DNM3: variants seen among roughly 807,000 people sequenced by gnomAD.
The protein encoded by DNM3 is dynamin 3.
Under a neutral mutation model 101.6 loss-of-function variants are expected in DNM3, and 47 were observed. The ratio of observed to expected loss-of-function variants is 0.46; its 90% confidence interval spans 0.37 to 0.59. The LOEUF is 0.59. Ranked by LOEUF, DNM3 falls within the 20% of genes least tolerant of loss-of-function variation. The pLI is 0.00. For missense variants in DNM3, 849 were observed against 1,085.7 expected (o/e 0.78, Z 3.06); for synonymous variants, 385 against 387.9 (o/e 0.99, Z 0.09).
rs1475143531 is a variant in DNM3, at chr1:172,411,337, T to C, written c.*3496T>C. On this transcript the variant is annotated 3_prime_UTR_variant, in exon 21 of 21. Coordinates refer to ENST00000627582, the MANE Select transcript of DNM3 (RefSeq NM_015569.5). ...TACCATGACAACATGGTAATGTCCA[T>C]AGACATTTGTATCTGAATCCACAAG... 1.0e-6 allele frequency: 1 copy of C among 985,064 alleles called. No individual in the cohort carries two copies. The highest frequency in any genetic ancestry group is 1.2e-6 in the Non-Finnish European group (1 of 829,640). The allele number at this position is 985,064 out of a possible 1,614,324, so 61.0% of individuals were successfully genotyped here. A position where few individuals can be genotyped will look rare whatever the true frequency, so the allele number is the denominator to read the frequency against.
At position 172,290,778 on chromosome 1, in the gene DNM3, AT is replaced by A. The variant is rs374125678; in HGVS notation, c.1770-17949del. Reference sequence around the variant, plus strand: ...CCTTTAAATGATATGAAAGGCCACCATACTGGGAAGATTACCACTGGAGAAA... The same window carrying A: ...CCTTTAAATGATATGAAAGGCCACCAACTGGGAAGATTACCACTGGAGAAA... On this transcript the variant is annotated intron_variant, in intron 15 of 20. Coordinates refer to ENST00000627582, the MANE Select transcript of DNM3 (RefSeq NM_015569.5). Among the ~76,000 whole-genome samples the A allele has an allele frequency of 2.8e-3, 420 of 152,300 alleles. 1 individual carries two copies. The highest frequency in any genetic ancestry group is 9.5e-3 in the African/African-American group (394 of 41,570).
At position 172,216,893 on chromosome 1, in the gene DNM3, A is replaced by G. The variant is rs1396613737; in HGVS notation, c.1660-36680A>G. On this transcript the variant is annotated intron_variant, in intron 14 of 20. Transcript: ENST00000627582. The stretch of plus-strand genomic sequence containing the variant: ...TCCCACCTAGAGATTTTCCCTCTGT[A>G]ATTGGATATGTATCTAGATATTTAC... Among the ~76,000 whole-genome samples, 4 of 152,216 alleles carry G rather than the reference A, an allele frequency of 2.6e-5. No individual in the cohort carries two copies. In the East Asian group the frequency reaches 7.7e-4, roughly 29 times the overall value.
intron 2 of DNM3, among the ~76,000 whole-genome samples, chr1:171,941,661 A>T (rs922634001): frequency 1.3e-5 from 2 of 152,358 alleles, no homozygotes; most frequent in African/African-American, 4.8e-5. Context: ...TCAAGGGCAG[A>T]GACCAGTGTG....
At chr1:172,071,615 C>G (rs1159056375) in intron 11 of DNM3, among the ~76,000 whole-genome samples, 1 of 151,380 alleles carries the variant, frequency 6.6e-6, no homozygotes, top group South Asian at 2.1e-4. Flanking sequence ...AACTTCTGCT[C>G]TGGAAGCTTT....
chr1:172,171,108 C>T (rs1572818351), intron 14 of DNM3, among the ~76,000 whole-genome samples: 2 of 151,688 alleles, frequency 1.3e-5, no homozygotes, highest in South Asian at 4.2e-4. Context: ...TTTTGTGCCT[C>T]AAAGGACATA....
intron 15 of DNM3, among the ~76,000 whole-genome samples, chr1:172,292,709 T>C (rs2063980739): frequency 6.6e-6 from 1 of 152,180 alleles, no homozygotes; most frequent in East Asian, 1.9e-4. Context: ...TACTTTTGCA[T>C]TAACCTAATA....
chr1:172,333,275 G>C (rs1002426302), intron 17 of DNM3, among the ~76,000 whole-genome samples: 1 of 152,202 alleles, frequency 6.6e-6, no homozygotes, highest in Non-Finnish European at 1.5e-5. Context: ...AAAAGTGTTT[G>C]TGGGAAGGTG....
intron 12 of DNM3, among the ~76,000 whole-genome samples, chr1:172,092,100 G>C (rs2053950411): frequency 6.6e-6 from 1 of 152,114 alleles, no homozygotes; most frequent in Non-Finnish European, 1.5e-5. Context: ...TTTTAGGGGG[G>C]ATTTCAGGAG....
intron 15 of DNM3, chr1:172,289,724 A>C: frequency 1.0e-6 from 1 of 984,872 alleles, no homozygotes; most frequent in Non-Finnish European, 1.2e-6. Context: ...TTTTGGTTGC[A>C]TGTTCTAAGT....
chr1:172,240,391 TGG>T (rs1370333894), intron 14 of DNM3, among the ~76,000 whole-genome samples: 1 of 152,104 alleles, frequency 6.6e-6, no homozygotes, highest in Admixed American at 6.6e-5. Flanking sequence ...TGACAAATGA[TGG>T]GGGGAAATTT....
At chr1:172,145,300 TTCTG>T (rs1553394385) in intron 14 of DNM3, among the ~76,000 whole-genome samples, 477 of 150,862 alleles carry the variant, frequency 3.2e-3, no homozygotes, top group African/African-American at 9.5e-3. Context: ...GCAGATAAGT[TTCTG>T]TCTGTCTGTC....
intron 1 of DNM3, among the ~76,000 whole-genome samples, chr1:171,905,459 C>A (rs375794144): frequency 5.3e-5 from 8 of 152,110 alleles, no homozygotes; most frequent in Non-Finnish European, 8.8e-5. Flanking sequence ...CTTAAAGAGA[C>A]AGAAAGTAGC....
chr1:171,862,119 C>CAGT (rs2034235093), intron 1 of DNM3, among the ~76,000 whole-genome samples: 1 of 152,098 alleles, frequency 6.6e-6, no homozygotes, highest in Non-Finnish European at 1.5e-5. Context: ...AACACTCATC[C>CAGT]ATTACTGGTG....
At chr1:172,098,048 T>C (rs1344583695) in intron 13 of DNM3, among the ~76,000 whole-genome samples, 1 of 152,014 alleles carries the variant, frequency 6.6e-6, no homozygotes, top group East Asian at 1.9e-4. Flanking sequence ...CAGGGTGAAA[T>C]TAAAATTGCT....
chr1:172,068,452 A>G (rs2051877304), intron 10 of DNM3, among the ~76,000 whole-genome samples: 1 of 152,234 alleles, frequency 6.6e-6, no homozygotes, highest in South Asian at 2.1e-4. Context: ...CGTGGTAGAC[A>G]CTATATAAAA....
chr1:172,113,642 A>C (rs111397886), intron 13 of DNM3, among the ~76,000 whole-genome samples: 2,656 of 148,784 alleles, frequency 0.018, 65 homozygotes, highest in African/African-American at 0.063. Flanking sequence ...AAAAAAAAAA[A>C]AACAACTCAG....
chr1:172,159,600 T>C (rs1407580834), intron 14 of DNM3, among the ~76,000 whole-genome samples: 2 of 152,108 alleles, frequency 1.3e-5, no homozygotes, highest in Admixed American at 6.6e-5. Flanking sequence ...GTTAGGAAAC[T>C]TTTGATTCTA....
chr1:172,307,496 C>A (rs529401281), intron 15 of DNM3, among the ~76,000 whole-genome samples: 3 of 152,302 alleles, frequency 2.0e-5, no homozygotes, highest in Admixed American at 1.3e-4. Context: ...ACTAGAAATA[C>A]CATTTGACCC....
intron 11 of DNM3, among the ~76,000 whole-genome samples, chr1:172,077,833 G>C (rs2125976409): frequency 6.6e-6 from 1 of 152,306 alleles, no homozygotes; most frequent in Non-Finnish European, 1.5e-5. Flanking sequence ...GTGCAGAGCT[G>C]AGTTCAAGTC....
Sources: gnomAD v4.1 joint callset for allele counts (sites outside exome capture counted in the v4.1 genomes callset) on GRCh38, gnomAD v4.1.1 for gene constraint, MANE v1.5 for transcripts, NCBI Gene and HGNC (gene_info 2026-07-23, HGNC 2026-07-21) for gene names.